The following LRBA variants were observed in gnomAD, a reference collection of about 807,000 sequenced individuals.
LRBA encodes lipopolysaccharide-responsive and beige-like anchor protein.
A neutral mutation model predicts 330.0 loss-of-function variants in LRBA; 176 were observed. That is an observed-to-expected ratio of 0.53 (90% CI 0.47 to 0.60). LRBA has a LOEUF of 0.60. LRBA is among the 20% of genes least tolerant of loss of function. The pLI is 0.00. For synonymous variants in LRBA, 1,230 were observed against 1,193.0 expected, an observed-to-expected ratio of 1.03 and a Z score of -0.64; for missense variants, 3,259 against 3,444.8, an observed-to-expected ratio of 0.95 and a Z score of 1.35.
At chr4:150,582,068 G>C (rs929592876) in intron 40 of LRBA, 10 of 151,326 alleles carry the variant, frequency 6.6e-5, no homozygotes, top group Admixed American at 2.0e-4. Flanking sequence ...GAGAGGAGGG[G>C]GAGAGACGAC....
chr4:150,767,577 G>A (rs1202713222), intron 34 of LRBA, among the ~76,000 whole-genome samples: 1 of 151,822 alleles, frequency 6.6e-6, no homozygotes, highest in Admixed American at 6.6e-5. Flanking sequence ...GGCCAACACG[G>A]TGAAATCCCA....
chr4:150,415,130 G>A lies in LRBA; in HGVS notation c.7194+308C>T, dbSNP rs76325768. Among the ~76,000 whole-genome samples the A allele has an allele frequency of 0.15, 22,460 of 152,140 alleles. 1,673 individuals are homozygous for A. Among genetic ancestry groups the A allele is most frequent in the Middle Eastern group, 0.17 (51 of 294 alleles). On this transcript the variant is annotated intron_variant, in intron 47 of 56. Transcript: ENST00000651943. ...CAAAATTATGTTCCTTTCCTGGAAA[G>A]AGAAGCTCATATTTGGAAAAACTTA... is the stretch of plus-strand genomic sequence containing the variant.
At chr4:150,750,616 A>G (rs1278372175) in intron 35 of LRBA, among the ~76,000 whole-genome samples, 2 of 151,954 alleles carry the variant, frequency 1.3e-5, no homozygotes, top group Non-Finnish European at 2.9e-5. Context: ...TTTTTTTTAA[A>G]GAGATAGGAT....
intron 42 of LRBA, among the ~76,000 whole-genome samples, chr4:150,482,600 A>G (rs753988384): frequency 1.3e-5 from 2 of 152,096 alleles, no homozygotes; most frequent in African/African-American, 2.4e-5. Context: ...TTAATTCTAT[A>G]TGAAAGTGCC....
intron 44 of LRBA, among the ~76,000 whole-genome samples, chr4:150,461,877 G>A (rs1238457532): frequency 6.6e-6 from 1 of 151,490 alleles, no homozygotes; most frequent in Non-Finnish European, 1.5e-5. Context: ...AGATTGTCTT[G>A]GTTTCCCTCT....
chr4:150,556,671 T>G (rs1767358099), intron 40 of LRBA, among the ~76,000 whole-genome samples: 1 of 152,228 alleles, frequency 6.6e-6, no homozygotes, highest in Non-Finnish European at 1.5e-5. Flanking sequence ...TAATATTACT[T>G]ATAAATTATA....
chr4:150,490,809 G>A (rs1240041397), intron 41 of LRBA, 109 bp downstream of exon 41: 2 of 539,862 alleles, frequency 3.7e-6, no homozygotes, highest in Non-Finnish European at 6.5e-6. Context: ...TAGAACAGAA[G>A]GTGGGCTACA....
At chr4:150,515,375 AAGTT>A (rs2152144374) in intron 40 of LRBA, among the ~76,000 whole-genome samples, 1 of 152,300 alleles carries the variant, frequency 6.6e-6, no homozygotes, top group African/African-American at 2.4e-5. Context: ...TAAAGAAAAA[AAGTT>A]AGTAAAACAG....
intron 36 of LRBA, among the ~76,000 whole-genome samples, chr4:150,727,870 G>A (rs1729913355): frequency 6.6e-6 from 1 of 152,116 alleles, no homozygotes; most frequent in African/African-American, 2.4e-5. Context: ...TAAGTTCAGA[G>A]CAGAAATAAA....
intron 40 of LRBA, among the ~76,000 whole-genome samples, chr4:150,501,596 C>T (rs1230859196): frequency 6.6e-6 from 1 of 151,306 alleles, no homozygotes; most frequent in Admixed American, 6.6e-5. Flanking sequence ...TAGAGCAAGA[C>T]CCCATCTCAA....
intron 17 of LRBA, among the ~76,000 whole-genome samples, chr4:150,876,723 C>T (rs886945414): frequency 2.0e-5 from 3 of 152,086 alleles, no homozygotes; most frequent in African/African-American, 7.2e-5. Flanking sequence ...GTTCTAAACA[C>T]GGAAATGTAA....
chr4:150,909,660 T>A (rs1295486470), intron 9 of LRBA, among the ~76,000 whole-genome samples: 1 of 152,160 alleles, frequency 6.6e-6, no homozygotes, highest in African/African-American at 2.4e-5. Context: ...CTCTTTTCAA[T>A]TATTTTGTAT....
At chr4:150,641,872 G>A (rs1319390902) in intron 37 of LRBA, among the ~76,000 whole-genome samples, 1 of 151,984 alleles carries the variant, frequency 6.6e-6, no homozygotes, top group South Asian at 2.1e-4. Flanking sequence ...ACAGAAATAA[G>A]TGAAGCATGA....
intron 47 of LRBA, among the ~76,000 whole-genome samples, chr4:150,363,728 C>G (rs1369359935): frequency 1.3e-5 from 2 of 152,214 alleles, no homozygotes. Flanking sequence ...GCAGGTGTCA[C>G]AGTCTTCCAA....
Position 150,269,597 on chromosome 4 carries a change from C to CAAAAGAGACAAGATAACAAAACAAACTCA in LRBA, c.8469-3814_8469-3786dup, listed in dbSNP as rs1745804666. On this transcript the variant is annotated intron_variant, in intron 56 of 56. Transcript: ENST00000651943. ...TGGCTTCTTGGATATGATATCAAAA[C>CAAAAGAGACAAGATAACAAAACAAACTCA]AAAAGAGACAAGATAACAAAACAAA... Among the ~76,000 whole-genome samples, 3 of 152,102 alleles carry CAAAAGAGACAAGATAACAAAACAAACTCA rather than the reference C, an allele frequency of 2.0e-5. No individual in the cohort carries two copies. In the South Asian group the frequency reaches 6.2e-4, roughly 32 times the overall value.
chr4:150,644,426 T>C (rs1778949180), intron 37 of LRBA, among the ~76,000 whole-genome samples: 4 of 151,964 alleles, frequency 2.6e-5, no homozygotes, highest in Admixed American at 2.6e-4. Flanking sequence ...AAAAGTCATT[T>C]ACAGATGGTA....
At chr4:150,946,520 TTA>T (rs2149535237) in intron 2 of LRBA, among the ~76,000 whole-genome samples, 1 of 152,236 alleles carries the variant, frequency 6.6e-6, no homozygotes, top group South Asian at 2.1e-4. Context: ...CCTAAATAGT[TTA>T]TGTGTCAAAA....
chr4:150,300,613 T>G (rs896970837), intron 53 of LRBA, among the ~76,000 whole-genome samples: 3 of 152,080 alleles, frequency 2.0e-5, no homozygotes, highest in African/African-American at 7.2e-5. Flanking sequence ...CTTAGATTTT[T>G]TTTTTACTAC....
intron 40 of LRBA, among the ~76,000 whole-genome samples, chr4:150,578,764 G>A (rs952071902): frequency 2.0e-5 from 3 of 152,142 alleles, no homozygotes; most frequent in Admixed American, 6.5e-5. Context: ...AAGAGGTAAA[G>A]CCTAGAGAAG....
Sources: allele counts gnomAD v4.1 joint callset (sites outside exome capture counted in the v4.1 genomes callset), GRCh38; gene constraint gnomAD v4.1.1; transcripts MANE v1.5; gene names NCBI Gene and HGNC (gene_info 2026-07-23, HGNC 2026-07-21).